The following ZDHHC15 variants were observed in gnomAD, a reference collection of about 807,000 sequenced individuals.
ZDHHC15 encodes the protein zDHHC palmitoyltransferase 15, also known as palmitoyltransferase ZDHHC15.
Under a neutral mutation model 31.7 loss-of-function variants are expected in ZDHHC15, and 19 were observed. The ratio of observed to expected loss-of-function variants is 0.60; its 90% CI spans 0.42 to 0.88. ZDHHC15 has a LOEUF of 0.88. ZDHHC15 is among the 40% of genes least tolerant of loss of function. The probability of loss-of-function intolerance (pLI) is 0.00; values close to 1 mark genes in which losing one functional copy is unlikely to be tolerated. For missense variants in ZDHHC15, 209 were observed against 251.2 expected, an observed-to-expected ratio of 0.83 and a Z score of 1.14; for synonymous variants, 103 against 90.0, an observed-to-expected ratio of 1.14 and a Z score of -0.82.
intron 2 of ZDHHC15, chrX:75,501,699 T>A (rs2085089662): frequency 1.8e-5 from 2 of 111,431 alleles, no homozygotes; most frequent in Non-Finnish European, 3.8e-5. Context: ...TAATGATGAG[T>A]GATATTGAGC....
Position 75,491,436 on chromosome X carries a change from T to C in ZDHHC15, c.164-12451A>G, listed in dbSNP as rs753796051. On this transcript the variant is annotated intron_variant, in intron 2 of 11. Transcript: ENST00000373367. ...GTGGGTATTGAACAATGAGAACACATGGACAAAGGAAGGGGAACATCACAC... is the reference window on the plus strand; with the variant it reads ...GTGGGTATTGAACAATGAGAACACACGGACAAAGGAAGGGGAACATCACAC... Among the ~76,000 whole-genome samples, 19 of 84,508 alleles carry C rather than the reference T, an allele frequency of 2.2e-4. No homozygotes were observed. The Admixed American group carries it at 2.9e-3, about 13-fold the overall frequency. The allele number at this position is 84,508 out of a possible 115,157, so 73.4% of individuals were successfully genotyped here.
chrX:75,518,840 C>T (rs2085405392), intron 1 of ZDHHC15, among the ~76,000 whole-genome samples: 1 of 76,501 alleles, frequency 1.3e-5, no homozygotes, highest in East Asian at 5.2e-4. Context: ...CACACACACA[C>T]ACACACAATA....
At chrX:75,453,622 C>T (rs1350528792) in intron 3 of ZDHHC15, among the ~76,000 whole-genome samples, 1 of 111,146 alleles carries the variant, frequency 9.0e-6, no homozygotes, top group Non-Finnish European at 1.9e-5. Context: ...AGATGAATAT[C>T]GATGTGAAAA....
chrX:75,481,357 A>T (rs1185466492), intron 2 of ZDHHC15, among the ~76,000 whole-genome samples: 1 of 111,763 alleles, frequency 8.9e-6, no homozygotes, highest in Admixed American at 9.6e-5. Flanking sequence ...ACTTGGCAGT[A>T]TCTTAAGCAC....
chrX:75,507,836 T>A (rs776289693), intron 1 of ZDHHC15, among the ~76,000 whole-genome samples: 1 of 111,819 alleles, frequency 8.9e-6, no homozygotes, highest in East Asian at 2.8e-4. Context: ...ATATATGGAA[T>A]AGTTTTTCAT....
chrX:75,481,533 C>T (rs2084689359), intron 2 of ZDHHC15, among the ~76,000 whole-genome samples: 1 of 111,590 alleles, frequency 9.0e-6, no homozygotes. Context: ...TTAAATAAAT[C>T]GGTAGAAAAT....
chrX:75,522,116 A>T (rs1335343870), intron 1 of ZDHHC15, among the ~76,000 whole-genome samples: 1 of 110,556 alleles, frequency 9.0e-6, no homozygotes, highest in Non-Finnish European at 1.9e-5. Context: ...ACTGGAGGGA[A>T]CTCCAGTATA....
At chrX:75,465,121 A>C (rs2147945571) in intron 3 of ZDHHC15, among the ~76,000 whole-genome samples, 1 of 112,452 alleles carries the variant, frequency 8.9e-6, no homozygotes, top group East Asian at 2.8e-4. Flanking sequence ...AGGATACAAA[A>C]TTAATGTGCA....
chrX:75,401,301 C>A (rs1020070530), intron 10 of ZDHHC15, among the ~76,000 whole-genome samples: 6 of 110,749 alleles, frequency 5.4e-5, no homozygotes, highest in African/African-American at 2.0e-4. Flanking sequence ...CTTAAACACA[C>A]TGACCAGTGT....
chrX:75,412,302 T>G (rs2147821435), intron 10 of ZDHHC15, among the ~76,000 whole-genome samples: 1 of 111,893 alleles, frequency 8.9e-6, no homozygotes, highest in South Asian at 3.8e-4. Flanking sequence ...AATCAGTACC[T>G]CATAGAGATA....
chrX:75,499,263 A>T (rs189054958), intron 2 of ZDHHC15, among the ~76,000 whole-genome samples: 246 of 111,820 alleles, frequency 2.2e-3, no homozygotes, highest in Non-Finnish European at 3.7e-3. Context: ...AATGCAACAA[A>T]AACAAAGATA....
intron 1 of ZDHHC15, among the ~76,000 whole-genome samples, chrX:75,520,696 G>A (rs1273605293): frequency 9.0e-6 from 1 of 110,864 alleles, no homozygotes; most frequent in Non-Finnish European, 1.9e-5. Flanking sequence ...GAATAGAAAA[G>A]CTTCCCAGTC....
At chrX:75,430,832 A>C (rs2083770913) in intron 5 of ZDHHC15, among the ~76,000 whole-genome samples, 1 of 111,441 alleles carries the variant, frequency 9.0e-6, no homozygotes, top group Non-Finnish European at 1.9e-5. Flanking sequence ...CCTCCCCCAG[A>C]TCATATTACC....
At chrX:75,389,971 G>C (rs1186968334) in intron 10 of ZDHHC15, among the ~76,000 whole-genome samples, 2 of 111,153 alleles carry the variant, frequency 1.8e-5, no homozygotes, top group Non-Finnish European at 3.8e-5. Context: ...CAGGGCCAGA[G>C]TGGAGCTCAC....
At chrX:75,521,888 A>T (rs1469625366) in intron 1 of ZDHHC15, among the ~76,000 whole-genome samples, 3 of 111,566 alleles carry the variant, frequency 2.7e-5, no homozygotes, top group Non-Finnish European at 5.6e-5. Context: ...TTCCTAAAAA[A>T]GATAACGAGG....
intron 1 of ZDHHC15, among the ~76,000 whole-genome samples, chrX:75,516,435 A>G (rs1232778235): frequency 8.9e-6 from 1 of 112,220 alleles, no homozygotes; most frequent in Non-Finnish European, 1.9e-5. Context: ...AATACCACAT[A>G]TCTATAACCA....
At chrX:75,467,935 C>T (rs2147951430) in intron 3 of ZDHHC15, among the ~76,000 whole-genome samples, 1 of 111,200 alleles carries the variant, frequency 9.0e-6, no homozygotes, top group Non-Finnish European at 1.9e-5. Flanking sequence ...AGCCTGGGAA[C>T]TATTAATTTG....
chrX:75,421,721 C>A, intron 9 of ZDHHC15, 143 bp downstream of exon 9: 1 of 585,369 alleles, frequency 1.7e-6, no homozygotes, highest in East Asian at 3.9e-5. Flanking sequence ...TCTTTATTTG[C>A]CTTTATTAAC....
At chrX:75,510,548 T>A (rs1158594989) in intron 1 of ZDHHC15, among the ~76,000 whole-genome samples, 12 of 83,484 alleles carry the variant, frequency 1.4e-4, no homozygotes, top group Non-Finnish European at 2.9e-4. Context: ...TTTTTTTTTA[T>A]CTTTTGTCTT....
Sources: gnomAD v4.1 joint callset for allele counts (sites outside exome capture counted in the v4.1 genomes callset) on GRCh38, gnomAD v4.1.1 for gene constraint, MANE v1.5 for transcripts, NCBI Gene and HGNC (gene_info 2026-07-23, HGNC 2026-07-21) for gene names.